UBE2D3: variants seen among roughly 807,000 people sequenced by gnomAD.
UBE2D3 encodes the protein ubiquitin-conjugating enzyme E2 D3.
In UBE2D3, 2 loss-of-function variants were observed where a neutral mutation model predicts 22.8. The ratio of observed to expected loss-of-function variants is 0.09; its 90% CI spans 0.04 to 0.28. The LOEUF is 0.28. Ranked by LOEUF, UBE2D3 falls within the 10% of genes least tolerant of loss-of-function variation. The probability of loss-of-function intolerance (pLI) is 1.00; values close to 1 mark genes in which losing one functional copy is unlikely to be tolerated. For missense variants in UBE2D3, 27 were observed against 182.5 expected, an observed-to-expected ratio of 0.15 and a Z score of 4.91; for synonymous variants, 56 against 60.4, an observed-to-expected ratio of 0.93 and a Z score of 0.34.
chr4:102,806,364 C>G (rs1727039582), intron 4 of UBE2D3, among the ~76,000 whole-genome samples: 1 of 152,016 alleles, frequency 6.6e-6, no homozygotes, highest in African/African-American at 2.4e-5. Context: ...ACATAGTTAC[C>G]ATTATCCACC....
chr4:102,864,076 T>C (rs1200477459), intron 1 of UBE2D3, among the ~76,000 whole-genome samples: 1 of 152,194 alleles, frequency 6.6e-6, no homozygotes, highest in Admixed American at 6.5e-5. Context: ...ACTATGCATG[T>C]ATATGTGCCA....
chr4:102,835,856 C>T (rs1037179651), intron 1 of UBE2D3, among the ~76,000 whole-genome samples: 4 of 152,018 alleles, frequency 2.6e-5, no homozygotes, highest in African/African-American at 9.7e-5. Flanking sequence ...TTTTATAAAT[C>T]CTTTCTCTTG....
At chr4:102,826,804 G>C in intron 1 of UBE2D3, 168 bp from the exon 2 acceptor site, 7 of 1,239,192 alleles carry the variant, frequency 5.6e-6, no homozygotes, top group Non-Finnish European at 7.1e-6. Flanking sequence ...AGGGTGACGG[G>C]AAGAGCGGAG....
chr4:102,800,291 AATTT>A (rs2110250264), intron 6 of UBE2D3, among the ~76,000 whole-genome samples: 1 of 152,162 alleles, frequency 6.6e-6, no homozygotes, highest in African/African-American at 2.4e-5. Context: ...GACTACAGCA[AATTT>A]AATTTCAAAC....
chr4:102,841,878 G>A (rs1193728204), intron 1 of UBE2D3, among the ~76,000 whole-genome samples: 1 of 152,036 alleles, frequency 6.6e-6, no homozygotes, highest in Non-Finnish European at 1.5e-5. Flanking sequence ...GGGCTTCTCT[G>A]CCTCTACTTT....
At chr4:102,828,516 G>A (rs945247789), upstream of UBE2D3, among the ~76,000 whole-genome samples, 11 of 152,204 alleles carry the variant, frequency 7.2e-5, no homozygotes, top group Admixed American at 6.5e-4. Flanking sequence ...AAGCTCAATT[G>A]AGTGGATGGG....
intron 2 of UBE2D3, chr4:102,819,639 C>T: frequency 1.0e-6 from 1 of 983,780 alleles, no homozygotes; most frequent in Non-Finnish European, 1.2e-6. Context: ...TGTCAAAATT[C>T]AAAAGCCTAT....
chr4:102,824,944 C>A (rs1730221705), intron 2 of UBE2D3, among the ~76,000 whole-genome samples: 1 of 152,190 alleles, frequency 6.6e-6, no homozygotes, highest in Non-Finnish European at 1.5e-5. Flanking sequence ...AAAAGCGTTT[C>A]TTCCTCTTTT....
At chr4:102,858,377 G>T (rs1345678058) in intron 1 of UBE2D3, among the ~76,000 whole-genome samples, 3 of 151,822 alleles carry the variant, frequency 2.0e-5, no homozygotes, top group Non-Finnish European at 2.9e-5. Flanking sequence ...GTAGTTTAAG[G>T]CTTCTTGTAT....
In UBE2D3 at chr4:102,815,077, CTT is replaced by C. The variant is rs557154058; in HGVS notation, c.25-5224_25-5223del. The stretch of plus-strand genomic sequence containing the variant: ...TTTTTTTTGGAGATGGAGTTTCACT[CTT>C]GTCGCCCATGGTGGAGTACAATGGC... On this transcript the variant is annotated intron_variant, in intron 2 of 7. Coordinates refer to ENST00000453744, the MANE Select transcript of UBE2D3 (RefSeq NM_181891.3). 9.2e-5 allele frequency among the ~76,000 whole-genome samples: 14 copies of C among 152,122 alleles called. No homozygotes were observed. The South Asian group carries it at 2.1e-3, about 23-fold the overall frequency.
At chr4:102,833,046 TAAAA>T (rs1731198860) in intron 1 of UBE2D3, among the ~76,000 whole-genome samples, 1 of 150,216 alleles carries the variant, frequency 6.7e-6, no homozygotes, top group African/African-American at 2.4e-5. Flanking sequence ...GATATTCTAA[TAAAA>T]TAACTTGAAA....
At chr4:102,825,642 A>T in intron 2 of UBE2D3, 1 of 1,072,440 alleles carries the variant, frequency 9.3e-7, no homozygotes, top group Non-Finnish European at 1.3e-6. Context: ...TTTCAACTTA[A>T]ATCGATAATA....
intron 4 of UBE2D3, among the ~76,000 whole-genome samples, chr4:102,806,525 T>C (rs540873772): frequency 6.6e-6 from 1 of 152,290 alleles, no homozygotes; most frequent in South Asian, 2.1e-4. Context: ...GAAAAAATAA[T>C]CCTTATGGAC....
chr4:102,833,488 A>G (rs223378), intron 1 of UBE2D3, among the ~76,000 whole-genome samples: 87,356 of 152,076 alleles, frequency 0.57, 26,392 homozygotes, highest in African/African-American at 0.78. Context: ...AAGGTGACTG[A>G]GACTGTGCTT....
intron 2 of UBE2D3, chr4:102,825,512 A>C: frequency 8.5e-7 from 1 of 1,172,246 alleles, no homozygotes; most frequent in Admixed American, 3.9e-5. Context: ...AAGAGCCTGA[A>C]CCAGTTAAAG....
intron 1 of UBE2D3, among the ~76,000 whole-genome samples, chr4:102,863,910 C>A (rs1002153762): frequency 6.6e-6 from 1 of 152,126 alleles, no homozygotes; most frequent in Non-Finnish European, 1.5e-5. Flanking sequence ...ATCTTACATA[C>A]TCAATAGCCA....
In UBE2D3 at chr4:102,794,758, G is replaced by A. The variant is rs529052740; in HGVS notation, c.*2657C>T. On this transcript the variant is annotated 3_prime_UTR_variant, in exon 8 of 8. Coordinates refer to ENST00000453744, the MANE Select transcript of UBE2D3 (RefSeq NM_181891.3). ...TTAAAATGTGAGTACACCCACACAA[G>A]AAAGCAAATTAATCAGTTTTAAAAA... The A allele has an allele frequency of 2.6e-5, 4 of 151,828 alleles. No homozygotes were observed. In the East Asian group the frequency reaches 7.7e-4, roughly 29 times the overall value. The allele number at this position is 151,828 out of a possible 1,614,324, so 9.4% of individuals were successfully genotyped here.
chr4:102,850,096 T>C (rs1732264776), intron 1 of UBE2D3, among the ~76,000 whole-genome samples: 1 of 152,050 alleles, frequency 6.6e-6, no homozygotes, highest in South Asian at 2.1e-4. Context: ...AATATAGAAG[T>C]GAATATGAAC....
At chr4:102,804,449 T>G (rs1000279898) in intron 4 of UBE2D3, among the ~76,000 whole-genome samples, 1 of 152,146 alleles carries the variant, frequency 6.6e-6, no homozygotes, top group African/African-American at 2.4e-5. Context: ...TCAGCCACCG[T>G]GCCCAGTCCT....
Sources: gnomAD v4.1 joint callset for allele counts (sites outside exome capture counted in the v4.1 genomes callset) on GRCh38, gnomAD v4.1.1 for gene constraint, MANE v1.5 for transcripts, NCBI Gene and HGNC (gene_info 2026-07-23, HGNC 2026-07-21) for gene names.